Variants in PCDHGB7 observed in about 807,000 individuals in gnomAD.
PCDHGB7 encodes protocadherin gamma-B7.
PCDHGB7 carries 37 observed loss-of-function variants against 61.4 expected under a neutral mutation model. The ratio of observed to expected loss-of-function variants is 0.60; its 90% CI spans 0.46 to 0.79. The LOEUF (loss-of-function observed/expected upper bound fraction) is 0.79, where lower values mean the gene tolerates loss of function less well. Ranked by LOEUF, PCDHGB7 falls within the 30% of genes least tolerant of loss-of-function variation. The pLI is 0.00. For missense variants in PCDHGB7, 1,166 were observed against 1,202.5 expected (o/e 0.97, Z 0.45); for synonymous variants, 464 against 503.5 (o/e 0.92, Z 1.05).
intron 1 of PCDHGB7, among the ~76,000 whole-genome samples, chr5:141,494,498 C>G (rs2099754760): frequency 6.6e-6 from 1 of 152,138 alleles, no homozygotes; most frequent in African/African-American, 2.4e-5. Flanking sequence ...GCCTTCAGTC[C>G]TTGAATTTTG....
In PCDHGB7 at chr5:141,476,656, T is replaced by A. The variant is rs190269177; in HGVS notation, c.2416-18151T>A. 6.2e-7 allele frequency: 1 copy of A among 1,614,210 alleles called. No individual in the cohort carries two copies. The highest frequency in any genetic ancestry group is 1.3e-5 in the African/African-American group (1 of 75,064). ...ATGAGCTGAGCCGAAATGAATACTTTGCGCTTCGCGTGCAGACGCGGGAGG... is the reference window on the plus strand; with the variant it reads ...ATGAGCTGAGCCGAAATGAATACTTAGCGCTTCGCGTGCAGACGCGGGAGG... On this transcript the variant is annotated intron_variant, in intron 1 of 3. Coordinates refer to ENST00000398594, the MANE Select transcript of PCDHGB7 (RefSeq NM_018927.4). This position sits in a 1 kb window ranked among gnomAD's most constrained non-coding sequence, Gnocchi z 7.6.
intron 1 of PCDHGB7, chr5:141,430,946 G>C: frequency 6.2e-7 from 1 of 1,609,494 alleles, no homozygotes. Context: ...CGCGGAGCGC[G>C]GAGTCCGCAT....
chr5:141,422,317 G>A (rs1266672163), intron 1 of PCDHGB7: 2 of 1,548,092 alleles, frequency 1.3e-6, no homozygotes, highest in Non-Finnish European at 1.7e-6. Context: ...CTCTCCTCCA[G>A]GTACAGTGAT....
In PCDHGB7 at chr5:141,432,690, T is replaced by A. The variant is rs764124373; in HGVS notation, c.2415+12416T>A. 5.0e-6 allele frequency: 8 copies of A among 1,613,854 alleles called. No individual in the cohort carries two copies. The highest frequency in any genetic ancestry group is 2.7e-5 in the African/African-American group (2 of 74,940). ...GACGCGCTCAAGCAGAGCCTCGTAGTGGCCGTCCAGGACCACGGCCAGCCC... is the reference window on the plus strand; with the variant it reads ...GACGCGCTCAAGCAGAGCCTCGTAGAGGCCGTCCAGGACCACGGCCAGCCC... On this transcript the variant is annotated intron_variant, in intron 1 of 3. Coordinates refer to ENST00000398594, the MANE Select transcript of PCDHGB7 (RefSeq NM_018927.4). This position sits in a 1 kb window ranked among gnomAD's most constrained non-coding sequence, Gnocchi z 6.0.
intron 1 of PCDHGB7, chr5:141,442,107 C>A: frequency 6.0e-6 from 1 of 166,198 alleles, no homozygotes; most frequent in Non-Finnish European, 1.3e-5. Flanking sequence ...CCACCACTAC[C>A]GCCCCTCGTC....
At chr5:141,497,983 C>T (rs2099780927) in intron 2 of PCDHGB7, among the ~76,000 whole-genome samples, 1 of 152,168 alleles carries the variant, frequency 6.6e-6, no homozygotes, top group African/African-American at 2.4e-5. Context: ...GTGGGAGGCC[C>T]CTGCCCTCAA....
At chr5:141,478,483 G>A in intron 1 of PCDHGB7, 13 of 1,613,548 alleles carry the variant, frequency 8.1e-6, no homozygotes, top group Non-Finnish European at 1.1e-5. Flanking sequence ...AGAACACGCT[G>A]CGGAGCTGTG....
intron 1 of PCDHGB7, among the ~76,000 whole-genome samples, chr5:141,460,997 G>A (rs1322943324): frequency 3.4e-5 from 5 of 147,290 alleles, no homozygotes; most frequent in Admixed American, 1.4e-4. Flanking sequence ...ATATATATAT[G>A]TGTATATATA....
chr5:141,440,035 C>T, intron 1 of PCDHGB7: 1 of 153,140 alleles, frequency 6.5e-6, no homozygotes, highest in East Asian at 1.9e-4. Flanking sequence ...GTGTCGAGGA[C>T]ATGCCCACTT....
At chr5:141,427,327 C>T (rs2097016376) in intron 1 of PCDHGB7, 1 of 457,028 alleles carries the variant, frequency 2.2e-6, no homozygotes, top group African/African-American at 2.0e-5. Flanking sequence ...GTGGTTTTTA[C>T]TTCAGTGTCC....
intron 2 of PCDHGB7, among the ~76,000 whole-genome samples, chr5:141,495,601 G>C (rs1315613802): frequency 6.6e-6 from 1 of 152,004 alleles, no homozygotes; most frequent in Non-Finnish European, 1.5e-5. Context: ...CTTAGCTTCC[G>C]TCTTGATTGC....
chr5:141,454,675 G>A (rs973403044), intron 1 of PCDHGB7, among the ~76,000 whole-genome samples: 8 of 151,764 alleles, frequency 5.3e-5, no homozygotes, highest in Non-Finnish European at 1.0e-4. Context: ...CAAAACACTG[G>A]GATTACAGGC....
At chr5:141,423,187 C>G in intron 1 of PCDHGB7, 5 of 1,613,640 alleles carry the variant, frequency 3.1e-6, no homozygotes, top group Middle Eastern at 1.6e-4. Context: ...CGGCCAGCCC[C>G]CTCTCTCGGC....
chr5:141,431,921 G>A lies in PCDHGB7; in HGVS notation c.2415+11647G>A. The A allele has an allele frequency of 1.9e-6, 3 of 1,614,142 alleles. No homozygotes were observed. Among genetic ancestry groups the A allele is most frequent in the South Asian group, 2.2e-5 (2 of 91,084 alleles). On this transcript the variant is annotated intron_variant, in intron 1 of 3. Transcript: ENST00000398594. The surrounding 1 kb of genome is among the most constrained non-coding windows in gnomAD (Gnocchi z 4.8). ...CGGACAGGTGATCTGTTTCATCCAA[G>A]GAAATCTGCCCTTTAAATTAGAAAA...
At position 141,491,796 on chromosome 5, in the gene PCDHGB7, C is replaced by T. The variant is rs1487915203; in HGVS notation, c.2416-3011C>T. The stretch of plus-strand genomic sequence containing the variant: ...GATTGAACTTGCATCCACTCCTCTC[C>T]GGCCGGCTTGGTCGCTGGCTGCGCT... On this transcript the variant is annotated intron_variant, in intron 1 of 3. Transcript: ENST00000398594. The surrounding 1 kb of genome is among the most constrained non-coding windows in gnomAD (Gnocchi z 6.9). 6.6e-7 allele frequency: 1 copy of T among 1,509,866 alleles called. No homozygotes were observed. The highest frequency in any genetic ancestry group is 2.4e-5 in the Admixed American group (1 of 42,218). The allele number at this position is 1,509,866 out of a possible 1,614,324, so 93.5% of individuals were successfully genotyped here. A position where few individuals can be genotyped will look rare whatever the true frequency, so the allele number is the denominator to read the frequency against.
rs765969768 is a variant in PCDHGB7, at chr5:141,421,456, G to A, written c.2415+1182G>A. ...CTCCAGAGGGAAGACACAGCTTTTC[G>A]CTGTGAATCCGCGAAGCGGCAGCTT... is the stretch of plus-strand genomic sequence containing the variant. On this transcript the variant is annotated intron_variant, in intron 1 of 3. Transcript: ENST00000398594. 9.3e-6 allele frequency: 15 copies of A among 1,614,132 alleles called. No homozygotes were observed. Among genetic ancestry groups the A allele is most frequent in the Non-Finnish European group, 1.1e-5 (13 of 1,179,948 alleles).
At chr5:141,441,797 G>T in intron 1 of PCDHGB7, 1 of 386,536 alleles carries the variant, frequency 2.6e-6, no homozygotes, top group Non-Finnish European at 5.2e-6. Context: ...ACAACGCACC[G>T]CGGGTGCTGT....
chr5:141,433,379 CTAT>C (rs2097594474), intron 1 of PCDHGB7, among the ~76,000 whole-genome samples: 1 of 151,230 alleles, frequency 6.6e-6, no homozygotes, highest in Non-Finnish European at 1.5e-5. Context: ...ATCTATCTAT[CTAT>C]CTATCTATCT....
Position 141,419,831 on chromosome 5 carries a change from G to A in PCDHGB7, c.1972G>A (p.Ala658Thr). 3.1e-6 allele frequency: 5 copies of A among 1,614,048 alleles called. No homozygotes were observed. The highest frequency in any genetic ancestry group is 4.2e-6 in the Non-Finnish European group (5 of 1,179,882). Reference sequence around the variant, plus strand: ...AGGACAGCCACCCCTTTCAGCCACTGCCACGCTGCACCTGGTGTTCGCAGA... The same window carrying A: ...AGGACAGCCACCCCTTTCAGCCACTACCACGCTGCACCTGGTGTTCGCAGA... ...DGGQPPLSATATLHLVFADSL... is the reference protein window; with the variant it reads ...DGGQPPLSATTTLHLVFADSL... The change falls in exon 1 of 4, where the codon GCC becomes ACC. Residue 658 changes from alanine to threonine, a missense_variant. By Grantham distance (58) the Ala-to-Thr change is moderately conservative. Transcript: ENST00000398594.
Sources: gnomAD v4.1 joint callset for allele counts (sites outside exome capture counted in the v4.1 genomes callset) on GRCh38, gnomAD v4.1.1 for gene constraint, Gnocchi (gnomAD v3.1) non-coding constraint, MANE v1.5 for transcripts, NCBI Gene and HGNC (gene_info 2026-07-23, HGNC 2026-07-21) for gene names.